Variants in RFX3 observed in about 807,000 individuals in gnomAD.
The protein encoded by RFX3 is transcription factor RFX3.
Under a neutral mutation model 98.6 loss-of-function variants are expected in RFX3, and 14 were observed. The observed-to-expected ratio is 0.14, with a 90% confidence interval of 0.09 to 0.22. The LOEUF is 0.22. Among genes scored for constraint, RFX3 ranks in the 10% least tolerant of loss-of-function variants. RFX3 has a pLI of 1.00. For missense variants in RFX3, 639 were observed against 926.9 expected (o/e 0.69, Z 4.03); for synonymous variants, 383 against 328.4 (o/e 1.17, Z -1.80).
intron 7 of RFX3, among the ~76,000 whole-genome samples, chr9:3,280,643 G>A (rs1360480730): frequency 6.6e-6 from 1 of 151,742 alleles, no homozygotes; most frequent in African/African-American, 2.4e-5. Context: ...TGGAAACAGT[G>A]GTTGTAGATT....
rs147166296 is a variant in RFX3, at chr9:3,275,625, C to A, written c.974-13G>T. Reference sequence around the variant, plus strand: ...GCTCGAGATGCATCTGTTACCGTGACAACAGAACAGAAAAAAGCTATTGTG... The same window carrying A: ...GCTCGAGATGCATCTGTTACCGTGAAAACAGAACAGAAAAAAGCTATTGTG... On this transcript the variant is annotated splice_polypyrimidine_tract_variant and intron_variant, in intron 8 of 16. Transcript: ENST00000617270. The A allele has an allele frequency of 2.0e-6, 3 of 1,515,886 alleles. No individual in the cohort carries two copies. The highest frequency in any genetic ancestry group is 2.7e-6 in the Non-Finnish European group (3 of 1,093,038). The allele number at this position is 1,515,886 out of a possible 1,614,324, so 93.9% of individuals were successfully genotyped here.
chr9:3,314,438 T>C (rs931300710), intron 4 of RFX3, among the ~76,000 whole-genome samples: 4 of 152,130 alleles, frequency 2.6e-5, no homozygotes, highest in African/African-American at 7.2e-5. Flanking sequence ...GTAAAGACCA[T>C]CGATGCTAGG....
At chr9:3,355,847 A>G (rs191323233) in intron 2 of RFX3, among the ~76,000 whole-genome samples, 4 of 151,984 alleles carry the variant, frequency 2.6e-5, no homozygotes, top group South Asian at 4.1e-4. Context: ...TCTCTGACCA[A>G]AAACATTAAA....
chr9:3,232,771 T>TGAGAGAGAGAGA lies in RFX3; in HGVS notation c.1969-3894_1969-3883dup, dbSNP rs36070658. 7.8e-3 allele frequency among the ~76,000 whole-genome samples: 1,032 copies of TGAGAGAGAGAGA among 132,366 alleles called. 18 individuals carry two copies. The highest frequency in any genetic ancestry group is 0.028 in the African/African-American group (966 of 34,344). The allele number at this position is 132,366 out of a possible 152,430, so 86.8% of individuals were successfully genotyped here. ...CAGATATTCTCCTTGGTTTAGAATCTGAGAGAGAGAGAGAGAGAGAGAGAG... is the reference window on the plus strand; with the variant it reads ...CAGATATTCTCCTTGGTTTAGAATCTGAGAGAGAGAGAGAGAGAGAGAGAGAGAGAGAGAGAG... On this transcript the variant is annotated intron_variant, in intron 15 of 16. Transcript: ENST00000617270.
chr9:3,481,296 A>C (rs1404561975), intron 1 of RFX3, among the ~76,000 whole-genome samples: 1 of 152,170 alleles, frequency 6.6e-6, no homozygotes, highest in East Asian at 1.9e-4. Flanking sequence ...TAAATTAAAG[A>C]ACAAATAAAG....
chr9:3,292,153 C>A (rs1237213459), intron 6 of RFX3, among the ~76,000 whole-genome samples: 2 of 140,318 alleles, frequency 1.4e-5, no homozygotes, highest in East Asian at 4.4e-4. Flanking sequence ...AAGGGTATAT[C>A]ACCTAATGTT....
chr9:3,437,305 C>T (rs1372063301), intron 1 of RFX3, among the ~76,000 whole-genome samples: 2 of 152,010 alleles, frequency 1.3e-5, no homozygotes, highest in Non-Finnish European at 1.5e-5. Flanking sequence ...CATTCGTCAG[C>T]TTACAAATCA....
intron 1 of RFX3, among the ~76,000 whole-genome samples, chr9:3,489,697 T>C (rs1000859356): frequency 2.6e-5 from 4 of 152,238 alleles, no homozygotes; most frequent in African/African-American, 4.8e-5. Context: ...CTTATTTGAC[T>C]GCCATTTTAG....
At chr9:3,248,991 T>C (rs1821034733) in intron 14 of RFX3, among the ~76,000 whole-genome samples, 1 of 152,128 alleles carries the variant, frequency 6.6e-6, no homozygotes, top group African/African-American at 2.4e-5. Flanking sequence ...TTCATGCACT[T>C]CAAATCTTAA....
At chr9:3,506,228 G>T (rs980364967) in intron 1 of RFX3, among the ~76,000 whole-genome samples, 1 of 150,290 alleles carries the variant, frequency 6.7e-6, no homozygotes, top group Non-Finnish European at 1.5e-5. Context: ...TAAAAAAAAA[G>T]GTTTTTCAGG....
chr9:3,369,199 A>T (rs1837536409), intron 2 of RFX3, among the ~76,000 whole-genome samples: 1 of 152,218 alleles, frequency 6.6e-6, no homozygotes, highest in Non-Finnish European at 1.5e-5. Context: ...GAACAACAGA[A>T]ATTTATTTCT....
chr9:3,355,327 A>G (rs533589936), intron 2 of RFX3, among the ~76,000 whole-genome samples: 1 of 151,962 alleles, frequency 6.6e-6, no homozygotes, highest in East Asian at 1.9e-4. Flanking sequence ...CACACTTTAA[A>G]TATACAGAAA....
At chr9:3,406,379 A>G (rs1841975788) in intron 1 of RFX3, among the ~76,000 whole-genome samples, 4 of 151,966 alleles carry the variant, frequency 2.6e-5, no homozygotes, top group African/African-American at 9.7e-5. Flanking sequence ...TTCCCGTGAT[A>G]GCTTCCCAAA....
At chr9:3,446,930 G>A (rs748667896) in intron 1 of RFX3, among the ~76,000 whole-genome samples, 1 of 151,992 alleles carries the variant, frequency 6.6e-6, no homozygotes, top group Non-Finnish European at 1.5e-5. Context: ...AAGAAGCTTT[G>A]AGAACAATTC....
intron 1 of RFX3, among the ~76,000 whole-genome samples, chr9:3,419,284 A>G (rs1048692182): frequency 1.3e-5 from 2 of 152,244 alleles, no homozygotes; most frequent in East Asian, 3.8e-4. Flanking sequence ...CCAAATTGAT[A>G]TAATTATACT....
At chr9:3,272,963 A>G (rs113927740) in intron 9 of RFX3, among the ~76,000 whole-genome samples, 275 of 152,202 alleles carry the variant, frequency 1.8e-3, no homozygotes, top group African/African-American at 6.3e-3. Context: ...ATTTCAGTGT[A>G]TCTTAAATTC....
intron 1 of RFX3, chr9:3,469,175 T>C: frequency 4.4e-6 from 2 of 455,314 alleles, no homozygotes; most frequent in South Asian, 3.1e-5. Flanking sequence ...AAGAAAGAAA[T>C]ACATGTCCAA....
At chr9:3,415,155 TCTTATATATATATA>T (rs1257854048) in intron 1 of RFX3, among the ~76,000 whole-genome samples, 1 of 137,212 alleles carries the variant, frequency 7.3e-6, no homozygotes, top group Non-Finnish European at 1.6e-5. Context: ...CTATATATAT[TCTTATATATATATA>T]CTTATATATA....
At chr9:3,416,713 C>G (rs1362276798) in intron 1 of RFX3, among the ~76,000 whole-genome samples, 1 of 151,900 alleles carries the variant, frequency 6.6e-6, no homozygotes, top group African/African-American at 2.4e-5. Context: ...TTAGTAACCA[C>G]TGAAAGAGTA....
Sources: allele counts gnomAD v4.1 joint callset (sites outside exome capture counted in the v4.1 genomes callset), GRCh38; gene constraint gnomAD v4.1.1; transcripts MANE v1.5; gene names NCBI Gene and HGNC (gene_info 2026-07-23, HGNC 2026-07-21).